Variants in RABL3 observed in about 807,000 individuals in gnomAD.
RABL3 encodes RAB, member of RAS oncogene family like 3, also known as rab-like protein 3.
RABL3 carries 31 observed loss-of-function variants against 31.8 expected under a neutral mutation model. The observed-to-expected ratio is 0.97, with a 90% CI of 0.73 to 1.31. The LOEUF (loss-of-function observed/expected upper bound fraction) is 1.31. RABL3 is among the 40% of genes most tolerant of loss of function. The pLI is 0.00. For synonymous variants in RABL3, 97 were observed against 99.9 expected (o/e 0.97, Z 0.18); for missense variants, 263 against 279.6 (o/e 0.94, Z 0.42).
intron 1 of RABL3, among the ~76,000 whole-genome samples, chr3:120,738,929 T>C (rs773878515): frequency 1.3e-5 from 2 of 152,154 alleles, no homozygotes; most frequent in Non-Finnish European, 2.9e-5. Context: ...ACTCAGTACT[T>C]AAAAGGAAAC....
intron 2 of RABL3, chr3:120,710,395 C>G (rs150296658): frequency 2.0e-5 from 3 of 152,510 alleles, no homozygotes; most frequent in African/African-American, 4.8e-5. Context: ...TTTTCCTCTT[C>G]CAGATAACTA....
Position 120,714,409 on chromosome 3 carries a change from T to C in RABL3, c.139-4500A>G, listed in dbSNP as rs1340635750. 1.5e-4 allele frequency among the ~76,000 whole-genome samples: 23 copies of C among 152,182 alleles called. 1 individual carries two copies. Among genetic ancestry groups the C allele is most frequent in the Admixed American group, 1.4e-3 (22 of 15,272 alleles). ...TGATACCAAGGAGGTATGTAACATA[T>C]GTATTGAAGGAAGAAATGAACAAAT... On this transcript the variant is annotated intron_variant, in intron 2 of 7. Transcript: ENST00000273375.
In RABL3 at chr3:120,729,104, A is replaced by C. The variant is rs562936777; in HGVS notation, c.138+1592T>G. On this transcript the variant is annotated intron_variant, in intron 2 of 7. Transcript: ENST00000273375. ...GGTGCCCAGTCAGTGAAAAGAGAGA[A>C]GACAAGACAAGAAAAACATTGTCCA... is the stretch of plus-strand genomic sequence containing the variant. Among the ~76,000 whole-genome samples the C allele has an allele frequency of 1.8e-4, 28 of 152,272 alleles. No individual in the cohort carries two copies. The South Asian group carries it at 5.6e-3, about 30-fold the overall frequency.
intron 1 of RABL3, among the ~76,000 whole-genome samples, chr3:120,732,372 T>C (rs887520146): frequency 6.6e-6 from 1 of 152,168 alleles, no homozygotes; most frequent in Non-Finnish European, 1.5e-5. Context: ...CACTGTACCC[T>C]GTACATTTTC....
rs763065800 is a variant in RABL3, at chr3:120,698,430, A to AT, written c.526dup (p.Ile176AsnfsTer2). ...ATTAGTGAAAATACATACCAAATTAATTTCTTCTGGATTGAAATCCTCAGC... is the reference window on the plus strand; with the variant it reads ...ATTAGTGAAAATACATACCAAATTAATTTTCTTCTGGATTGAAATCCTCAGC... On this transcript the variant is annotated frameshift_variant, in exon 5 of 8. Coordinates refer to ENST00000273375, the MANE Select transcript of RABL3 (RefSeq NM_173825.5). LOFTEE classifies it high-confidence loss of function. 1 of 1,612,512 alleles carries AT rather than the reference A, an allele frequency of 6.2e-7. No individual in the cohort carries two copies. Among genetic ancestry groups the AT allele is most frequent in the Non-Finnish European group, 8.5e-7 (1 of 1,179,544 alleles).
At chr3:120,717,302 G>T (rs1442984188) in intron 2 of RABL3, among the ~76,000 whole-genome samples, 4 of 147,896 alleles carry the variant, frequency 2.7e-5, no homozygotes, top group African/African-American at 5.0e-5. Context: ...AAACAAGACA[G>T]AAGTCAACTG....
chr3:120,738,418 G>A (rs1427457495), intron 1 of RABL3: 1 of 152,434 alleles, frequency 6.6e-6, no homozygotes, highest in Non-Finnish European at 1.5e-5. Flanking sequence ...CCCTTGGCTA[G>A]GAAAGGGAAT....
At chr3:120,728,554 G>A (rs532631937) in intron 2 of RABL3, among the ~76,000 whole-genome samples, 1 of 152,034 alleles carries the variant, frequency 6.6e-6, no homozygotes, top group South Asian at 2.1e-4. Context: ...TTAGGAAGAT[G>A]GTTGGCTAAA....
At chr3:120,702,564 T>C (rs1396280896) in intron 4 of RABL3, among the ~76,000 whole-genome samples, 1 of 151,368 alleles carries the variant, frequency 6.6e-6, no homozygotes, top group African/African-American at 2.4e-5. Flanking sequence ...ATTTTTCTTT[T>C]TTTTTTTTTT....
At chr3:120,731,587 GTCAC>G (rs1309177913) in intron 1 of RABL3, among the ~76,000 whole-genome samples, 5 of 152,188 alleles carry the variant, frequency 3.3e-5, no homozygotes, top group African/African-American at 1.2e-4. Context: ...CATGTGTGGA[GTCAC>G]TCATTCATTT....
At chr3:120,714,025 T>G (rs1204141772) in intron 2 of RABL3, among the ~76,000 whole-genome samples, 2 of 152,324 alleles carry the variant, frequency 1.3e-5, no homozygotes, top group Admixed American at 1.3e-4. Flanking sequence ...TTGGCCAGGC[T>G]GGTCTCAAAC....
chr3:120,740,702 T>C (rs945609633), intron 1 of RABL3, among the ~76,000 whole-genome samples: 3 of 152,222 alleles, frequency 2.0e-5, no homozygotes, highest in Admixed American at 6.5e-5. Flanking sequence ...TGTGTACTTT[T>C]AAATCGCAGT....
At chr3:120,735,386 T>G (rs1368524743) in intron 1 of RABL3, among the ~76,000 whole-genome samples, 1 of 152,206 alleles carries the variant, frequency 6.6e-6, no homozygotes, top group East Asian at 1.9e-4. Context: ...GGATCGGTGG[T>G]GATATCCCCT....
rs551779395 is a variant in RABL3 at position 120,706,869 on chromosome 3, G to A, written c.269-755C>T. ...ATTGAGAAAAATAACAAAATGTAAC[G>A]AGGCCCAGAAATACACTAAAATACA... is the stretch of plus-strand genomic sequence containing the variant. On this transcript the variant is annotated intron_variant, in intron 3 of 7. Transcript: ENST00000273375. Among the ~76,000 whole-genome samples, 3 of 152,104 alleles carry A rather than the reference G, an allele frequency of 2.0e-5. No individual in the cohort carries two copies. The East Asian group carries it at 5.8e-4, about 29-fold the overall frequency.
chr3:120,705,947 G>A, intron 4 of RABL3, 53 bp downstream of exon 4: 1 of 1,029,554 alleles, frequency 9.7e-7, no homozygotes. Context: ...ATTCAGGGAA[G>A]TACATTCCTG....
intron 1 of RABL3, 141 bp downstream of exon 1, chr3:120,742,321 T>G (rs1709055636): frequency 2.6e-6 from 2 of 779,732 alleles, no homozygotes; most frequent in Non-Finnish European, 2.2e-6. Context: ...CAAAGTCCCC[T>G]GGGAAGTGTA....
intron 6 of RABL3, among the ~76,000 whole-genome samples, chr3:120,692,524 T>C (rs1347407584): frequency 6.6e-6 from 1 of 152,206 alleles, no homozygotes; most frequent in Non-Finnish European, 1.5e-5. Flanking sequence ...TGCTAAATTC[T>C]GGAAGAACTG....
At chr3:120,712,219 A>C (rs1301859116) in intron 2 of RABL3, among the ~76,000 whole-genome samples, 26 of 152,174 alleles carry the variant, frequency 1.7e-4, no homozygotes, top group Admixed American at 1.7e-3. Flanking sequence ...TTAAGAAGAC[A>C]ATTATCAGAC....
chr3:120,709,905 T>C lies in RABL3; in HGVS notation c.143A>G (p.His48Arg), dbSNP rs1223719536. The C allele has an allele frequency of 1.9e-6, 3 of 1,590,388 alleles. No individual in the cohort carries two copies. The highest frequency in any genetic ancestry group is 2.2e-5 in the East Asian group (1 of 44,726). ...TVGCSVDVRV[H>R]DYKEGTPEEK... ...TTCTGGGGTTCCTTCTTTGTAATCA[T>C]GAACCTAACAAATCAATCAATTAAA... Residue 48 changes from histidine to arginine, a missense_variant, in exon 3 of 8, where the codon CAT becomes CGT. Physicochemically the swap from His to Arg is conservative, Grantham distance 29 (BLOSUM62 0). Coordinates refer to ENST00000273375, the MANE Select transcript of RABL3 (RefSeq NM_173825.5).
Sources: allele counts gnomAD v4.1 joint callset (sites outside exome capture counted in the v4.1 genomes callset), GRCh38; gene constraint gnomAD v4.1.1; transcripts MANE v1.5; gene names NCBI Gene and HGNC (gene_info 2026-07-23, HGNC 2026-07-21).